Variants in GRK3 observed in about 807,000 individuals in gnomAD.
The protein encoded by GRK3 is G protein-coupled receptor kinase 3.
Under a neutral mutation model 95.7 loss-of-function variants are expected in GRK3, and 54 were observed. The ratio of observed to expected loss-of-function variants is 0.56; its 90% CI spans 0.45 to 0.71. GRK3 has a LOEUF of 0.71. Among genes scored for constraint, GRK3 ranks in the 30% least tolerant of loss-of-function variants. The probability of loss-of-function intolerance (pLI) is 0.00; values close to 1 mark genes in which losing one functional copy is unlikely to be tolerated. For missense variants in GRK3, 649 were observed against 851.2 expected (o/e 0.76, Z 2.96); for synonymous variants, 281 against 290.8 (o/e 0.97, Z 0.34).
At chr22:25,720,467 CTTTTTTT>C (rs963248407) in intron 19 of GRK3, among the ~76,000 whole-genome samples, 2,427 of 102,282 alleles carry the variant, frequency 0.024, 14 homozygotes, top group African/African-American at 0.038. Context: ...ATACTATAGA[CTTTTTTT>C]TTTTTTTTTT....
At chr22:25,668,448 CA>C (rs1437102084) in intron 6 of GRK3, among the ~76,000 whole-genome samples, 1 of 152,202 alleles carries the variant, frequency 6.6e-6, no homozygotes, top group Non-Finnish European at 1.5e-5. Flanking sequence ...GAGCTTTCTG[CA>C]GCTGCTCAGT....
intron 3 of GRK3, among the ~76,000 whole-genome samples, chr22:25,646,077 G>A (rs1008160913): frequency 1.3e-5 from 2 of 152,078 alleles, no homozygotes; most frequent in African/African-American, 4.8e-5. Flanking sequence ...TTATAGGTAG[G>A]TAATAACATT....
chr22:25,672,469 G>A lies in GRK3; in HGVS notation c.555+122G>A, dbSNP rs1236723601. ...GGGTCCACTGCCCAAACAGATGTCT[G>A]TCTTACAGCTTTAAGTACTAAGCAT... On this transcript the variant is annotated intron_variant, in intron 7 of 20. Coordinates refer to ENST00000324198, the MANE Select transcript of GRK3 (RefSeq NM_005160.4). 6 of 635,208 alleles carry A rather than the reference G, an allele frequency of 9.4e-6. No homozygotes were observed. In the African/African-American group the frequency reaches 1.1e-4, roughly 12 times the overall value. The allele number at this position is 635,208 out of a possible 1,614,324, so 39.3% of individuals were successfully genotyped here.
intron 12 of GRK3, among the ~76,000 whole-genome samples, chr22:25,693,941 G>A (rs753650191): frequency 7.2e-5 from 11 of 151,984 alleles, no homozygotes; most frequent in Non-Finnish European, 1.3e-4. Flanking sequence ...ACAGGCATGC[G>A]CCACCACGCC....
chr22:25,584,313 A>G (rs5752107), intron 1 of GRK3, among the ~76,000 whole-genome samples: 3,310 of 144,750 alleles, frequency 0.023, 4 homozygotes, highest in Non-Finnish European at 0.027. Context: ...TTTTGACTAG[A>G]AAGATGAAAT....
At chr22:25,681,740 G>T (rs940068366) in intron 9 of GRK3, among the ~76,000 whole-genome samples, 4 of 152,052 alleles carry the variant, frequency 2.6e-5, no homozygotes, top group African/African-American at 9.7e-5. Flanking sequence ...TTTTTTTATG[G>T]CGAGTTCCTG....
intron 1 of GRK3, among the ~76,000 whole-genome samples, chr22:25,575,100 A>G (rs2146313611): frequency 6.6e-6 from 1 of 152,316 alleles, no homozygotes; most frequent in Middle Eastern, 3.4e-3. Context: ...GAGTTTCATC[A>G]TTTAGTTGAC....
At chr22:25,614,388 C>T (rs921614794) in intron 2 of GRK3, among the ~76,000 whole-genome samples, 1 of 152,192 alleles carries the variant, frequency 6.6e-6, no homozygotes, top group Non-Finnish European at 1.5e-5. Context: ...CCCACCTCAG[C>T]CTCCCAAAGT....
chr22:25,585,516 A>G (rs1932269581), intron 1 of GRK3, among the ~76,000 whole-genome samples: 1 of 152,234 alleles, frequency 6.6e-6, no homozygotes, highest in Non-Finnish European at 1.5e-5. Flanking sequence ...ATACACATAC[A>G]CACACAGGCA....
At chr22:25,720,203 A>G (rs529897901) in intron 19 of GRK3, among the ~76,000 whole-genome samples, 1 of 152,312 alleles carries the variant, frequency 6.6e-6, no homozygotes, top group Admixed American at 6.5e-5. Flanking sequence ...AACTTAAAAA[A>G]ACAAAACTTT....
rs150533768 is a variant in GRK3, at chr22:25,675,085, G to A, written c.647+557G>A. The stretch of plus-strand genomic sequence containing the variant: ...AAGATGGTGCGGGTTGTGGGTGGGA[G>A]CCAGGGAGCCAGAGGTGAACTAGAA... On this transcript the variant is annotated intron_variant, in intron 8 of 20. Transcript: ENST00000324198. Among the ~76,000 whole-genome samples the A allele has an allele frequency of 1.8e-3, 268 of 152,310 alleles. 2 individuals carry two copies. The highest frequency in any genetic ancestry group is 6.1e-3 in the African/African-American group (252 of 41,564).
At chr22:25,708,882 G>A (rs1382421859) in intron 15 of GRK3, among the ~76,000 whole-genome samples, 9 of 151,306 alleles carry the variant, frequency 5.9e-5, no homozygotes, top group African/African-American at 1.5e-4. Context: ...GACTGGTCTC[G>A]ATCTCCTGAA....
intron 1 of GRK3, among the ~76,000 whole-genome samples, chr22:25,600,404 T>G (rs1309564480): frequency 6.6e-6 from 1 of 152,112 alleles, no homozygotes. Flanking sequence ...CCTCCCAAAG[T>G]GCTGGGATTA....
chr22:25,669,549 A>G (rs2084965021), intron 6 of GRK3, among the ~76,000 whole-genome samples: 1 of 152,184 alleles, frequency 6.6e-6, no homozygotes, highest in Admixed American at 6.5e-5. Flanking sequence ...AGTCATTTGC[A>G]AGGGCTCTAG....
chr22:25,571,745 C>A (rs2146310999), intron 1 of GRK3, among the ~76,000 whole-genome samples: 1 of 152,182 alleles, frequency 6.6e-6, no homozygotes, highest in East Asian at 1.9e-4. Flanking sequence ...AATTGTTGAG[C>A]CTTAGACTCA....
chr22:25,591,643 G>T (rs965217352), intron 1 of GRK3, among the ~76,000 whole-genome samples: 1 of 152,082 alleles, frequency 6.6e-6, no homozygotes, highest in Non-Finnish European at 1.5e-5. Flanking sequence ...CGTTTTTGGA[G>T]CTCTGTGTCA....
At chr22:25,591,113 C>G (rs1932474187) in intron 1 of GRK3, among the ~76,000 whole-genome samples, 2 of 152,176 alleles carry the variant, frequency 1.3e-5, no homozygotes, top group South Asian at 4.1e-4. Flanking sequence ...ATACTTCTGC[C>G]TGGCTGACCA....
chr22:25,570,837 A>C (rs1931674589), intron 1 of GRK3, among the ~76,000 whole-genome samples: 1 of 152,176 alleles, frequency 6.6e-6, no homozygotes, highest in African/African-American at 2.4e-5. Context: ...AAAATGCAGA[A>C]TAAGTAATAA....
chr22:25,603,431 A>G (rs1351001152), intron 1 of GRK3, among the ~76,000 whole-genome samples: 1 of 152,090 alleles, frequency 6.6e-6, no homozygotes, highest in Non-Finnish European at 1.5e-5. Context: ...TGCTACTTCT[A>G]TTATATGTCA....
Sources: gnomAD v4.1 joint callset for allele counts (sites outside exome capture counted in the v4.1 genomes callset) on GRCh38, gnomAD v4.1.1 for gene constraint, MANE v1.5 for transcripts, NCBI Gene and HGNC (gene_info 2026-07-23, HGNC 2026-07-21) for gene names.